DPYD: variants seen among roughly 807,000 people sequenced by gnomAD.
DPYD encodes the protein dihydropyrimidine dehydrogenase.
DPYD carries 109 observed loss-of-function variants against 116.2 expected under a neutral mutation model. The observed-to-expected ratio is 0.94, with a 90% confidence interval of 0.80 to 1.10. The LOEUF is 1.10. DPYD is among the 50% of genes least tolerant of loss of function. The pLI, the probability that DPYD is intolerant of heterozygous loss-of-function variation, is 0.00. For synonymous variants in DPYD, 440 were observed against 432.0 expected (o/e 1.02, Z -0.23); for missense variants, 1,302 against 1,254.5 (o/e 1.04, Z -0.57).
Position 97,895,830 on chromosome 1 carries a change from G to A in DPYD, c.40-12456C>T, listed in dbSNP as rs74563847. 5.9e-3 allele frequency among the ~76,000 whole-genome samples: 898 copies of A among 151,772 alleles called. 5 individuals carry two copies. The highest frequency in any genetic ancestry group is 0.01 in the Non-Finnish European group (689 of 67,778). ...TTAATACACTTTGTTTCAATGCCTA[G>A]AGAGAATGCTTTCCATTTAAACAGT... On this transcript the variant is annotated intron_variant, in intron 1 of 22. Transcript: ENST00000370192.
intron 3 of DPYD, among the ~76,000 whole-genome samples, chr1:97,795,575 T>G (rs1667531125): frequency 6.6e-6 from 1 of 151,962 alleles, no homozygotes; most frequent in Admixed American, 6.6e-5. Context: ...CATAAACTCA[T>G]TTCTATAATT....
intron 3 of DPYD, among the ~76,000 whole-genome samples, chr1:97,773,425 C>T (rs568884591): frequency 4.6e-5 from 7 of 152,318 alleles, no homozygotes; most frequent in East Asian, 1.9e-4. Flanking sequence ...GCATTGTCCC[C>T]GGTGAGGGTT....
At chr1:97,307,011 G>T (rs753445385) in intron 16 of DPYD, among the ~76,000 whole-genome samples, 1 of 151,796 alleles carries the variant, frequency 6.6e-6, no homozygotes, top group Non-Finnish European at 1.5e-5. Context: ...ACATTTCCAT[G>T]TGCCTATTTT....
At chr1:97,743,325 C>G (rs951718894) in intron 3 of DPYD, among the ~76,000 whole-genome samples, 2 of 152,064 alleles carry the variant, frequency 1.3e-5, no homozygotes, top group African/African-American at 4.8e-5. Context: ...ATTCTCTAAG[C>G]GCTCTGCAGA....
intron 18 of DPYD, among the ~76,000 whole-genome samples, chr1:97,255,473 G>A (rs1663390104): frequency 6.6e-6 from 1 of 151,952 alleles, no homozygotes; most frequent in African/African-American, 2.4e-5. Flanking sequence ...GAGATCTGAT[G>A]GTTTTATAAA....
chr1:97,584,501 A>C (rs539817981), intron 10 of DPYD, among the ~76,000 whole-genome samples: 1 of 152,136 alleles, frequency 6.6e-6, no homozygotes, highest in South Asian at 2.1e-4. Context: ...TATGTCCTGA[A>C]TGGTATTGCC....
In DPYD at chr1:97,153,560, T is replaced by TA. The variant is rs201251489; in HGVS notation, c.2622+39508dup. 2.0e-3 allele frequency among the ~76,000 whole-genome samples: 298 copies of TA among 151,696 alleles called. 1 individual carries two copies. The Middle Eastern group carries it at 0.024, about 12-fold the overall frequency. ...CCATATAAGTTCTAGAAGGTGACAT[T>TA]AAAAAAAACCTTCTAGACATTGGCT... On this transcript the variant is annotated intron_variant, in intron 20 of 22. Coordinates refer to ENST00000370192, the MANE Select transcript of DPYD (RefSeq NM_000110.4).
chr1:97,740,725 T>C (rs1276470995), intron 3 of DPYD, among the ~76,000 whole-genome samples: 2 of 152,116 alleles, frequency 1.3e-5, no homozygotes, highest in African/African-American at 4.8e-5. Context: ...CCTTCTTGAT[T>C]TTAAGAGAAT....
At chr1:97,481,142 T>A (rs1047256907) in intron 13 of DPYD, among the ~76,000 whole-genome samples, 1 of 152,120 alleles carries the variant, frequency 6.6e-6, no homozygotes, top group African/African-American at 2.4e-5. Context: ...CACAGTTTCA[T>A]AGAAGAAGAA....
At chr1:97,556,689 CA>C (rs1570954112) in intron 11 of DPYD, among the ~76,000 whole-genome samples, 1 of 150,268 alleles carries the variant, frequency 6.7e-6, no homozygotes, top group African/African-American at 2.4e-5. Flanking sequence ...ATGAACTCAT[CA>C]TTTTTTATGG....
intron 8 of DPYD, among the ~76,000 whole-genome samples, chr1:97,650,861 C>T (rs1658542443): frequency 6.6e-6 from 1 of 152,118 alleles, no homozygotes; most frequent in African/African-American, 2.4e-5. Context: ...CACACACACA[C>T]ACACACAGGA....
chr1:97,329,044 C>T (rs1327422396), intron 16 of DPYD, among the ~76,000 whole-genome samples: 1 of 152,140 alleles, frequency 6.6e-6, no homozygotes, highest in Non-Finnish European at 1.5e-5. Flanking sequence ...TGAGAAACAA[C>T]TTCTGAATAT....
intron 1 of DPYD, among the ~76,000 whole-genome samples, chr1:97,907,536 T>C (rs1328277213): frequency 6.6e-6 from 1 of 152,106 alleles, no homozygotes; most frequent in Non-Finnish European, 1.5e-5. Context: ...TTTAATAGCA[T>C]ATTTAGGATT....
At chr1:97,305,889 G>A (rs1302972992) in intron 17 of DPYD, among the ~76,000 whole-genome samples, 8 of 151,750 alleles carry the variant, frequency 5.3e-5, no homozygotes, top group East Asian at 3.9e-4. Flanking sequence ...TATTTTGGAC[G>A]GGTTTGCTGT....
At chr1:97,201,896 C>A (rs1204873090) in intron 19 of DPYD, among the ~76,000 whole-genome samples, 1 of 147,348 alleles carries the variant, frequency 6.8e-6, no homozygotes, top group Admixed American at 7.0e-5. Context: ...ATTCTTAGGT[C>A]TCTCAAGCAG....
At chr1:97,624,299 A>C (rs924851212) in intron 8 of DPYD, among the ~76,000 whole-genome samples, 1 of 152,104 alleles carries the variant, frequency 6.6e-6, no homozygotes, top group African/African-American at 2.4e-5. Flanking sequence ...ATCCCAATTA[A>C]AAATGGGCAA....
In DPYD at chr1:97,200,104, T is replaced by C. The variant is rs2101841773; in HGVS notation, c.2443-6856A>G. On this transcript the variant is annotated intron_variant, in intron 19 of 22. Coordinates refer to ENST00000370192, the MANE Select transcript of DPYD (RefSeq NM_000110.4). ...CCTGAGACTGGCACATGCTTTTGTGTAATCAAATAGCACATTTTTCAAATG... is the reference window on the plus strand; with the variant it reads ...CCTGAGACTGGCACATGCTTTTGTGCAATCAAATAGCACATTTTTCAAATG... Among the ~76,000 whole-genome samples, 2 of 152,316 alleles carry C rather than the reference T, an allele frequency of 1.3e-5. 1 individual carries two copies. The highest frequency in any genetic ancestry group is 4.1e-4 in the South Asian group (2 of 4,832).
chr1:97,786,741 T>C (rs1667057960), intron 3 of DPYD, among the ~76,000 whole-genome samples: 1 of 152,240 alleles, frequency 6.6e-6, no homozygotes, highest in African/African-American at 2.4e-5. Context: ...CTGAAGGCAA[T>C]GAGTTAACTT....
In DPYD at chr1:97,275,069, T is replaced by C. The variant is rs548233780; in HGVS notation, c.2299+30190A>G. On this transcript the variant is annotated intron_variant, in intron 18 of 22. Transcript: ENST00000370192. Reference sequence around the variant, plus strand: ...AGTATGCTTGTAGGTACCATAGGTATAGAAGCAAGAGCAACCTTGGCATTA... The same window carrying C: ...AGTATGCTTGTAGGTACCATAGGTACAGAAGCAAGAGCAACCTTGGCATTA... Among the ~76,000 whole-genome samples, 19 of 152,118 alleles carry C rather than the reference T, an allele frequency of 1.2e-4. No individual in the cohort carries two copies. In the South Asian group the frequency reaches 3.7e-3, roughly 30 times the overall value.
Sources: gnomAD v4.1 joint callset for allele counts (sites outside exome capture counted in the v4.1 genomes callset) on GRCh38, gnomAD v4.1.1 for gene constraint, MANE v1.5 for transcripts, NCBI Gene and HGNC (gene_info 2026-07-23, HGNC 2026-07-21) for gene names.